The following DLGAP2 variants were observed in gnomAD, a reference collection of about 807,000 sequenced individuals.
DLGAP2 encodes DLG associated protein 2.
DLGAP2 carries 26 observed loss-of-function variants against 100.3 expected under a neutral mutation model. That is an observed-to-expected ratio of 0.26 (90% CI 0.19 to 0.36). DLGAP2 has a LOEUF of 0.36. Among genes scored for constraint, DLGAP2 ranks in the 10% least tolerant of loss-of-function variants. DLGAP2 has a pLI of 1.00. For missense variants in DLGAP2, 1,858 were observed against 1,453.2 expected, an observed-to-expected ratio of 1.28 and a Z score of -4.53; for synonymous variants, 886 against 630.1, an observed-to-expected ratio of 1.41 and a Z score of -6.08.
At chr8:1,036,937 C>G (rs1802143142) in intron 2 of DLGAP2, among the ~76,000 whole-genome samples, 1 of 152,082 alleles carries the variant, frequency 6.6e-6, no homozygotes, top group Non-Finnish European at 1.5e-5. Context: ...GGCACAGTTC[C>G]TAAAGTCCGT....
In DLGAP2 at chr8:1,007,537, G is replaced by A. The variant is rs150650456; in HGVS notation, c.73+99571G>A. On this transcript the variant is annotated intron_variant, in intron 2 of 14. Coordinates refer to ENST00000637795, the MANE Select transcript of DLGAP2 (RefSeq NM_001346810.2). ...TCCTAGGGAGGCAAGGCCAGCGGAT[G>A]TACACGAAGCCATGTGGCCATAGTC... Among the ~76,000 whole-genome samples, 5 of 152,006 alleles carry A rather than the reference G, an allele frequency of 3.3e-5. No individual in the cohort carries two copies. In the East Asian group the frequency reaches 9.7e-4, roughly 30 times the overall value.
intron 1 of DLGAP2, among the ~76,000 whole-genome samples, chr8:853,499 T>G (rs1290371193): frequency 6.6e-6 from 1 of 152,112 alleles, no homozygotes; most frequent in East Asian, 1.9e-4. Context: ...CCTCATCAGT[T>G]AGGGAATGAT....
intron 1 of DLGAP2, among the ~76,000 whole-genome samples, chr8:885,487 T>C (rs375232150): frequency 5.3e-4 from 80 of 152,364 alleles, no homozygotes; most frequent in African/African-American, 1.9e-3. Context: ...CCTGAGACTT[T>C]GCTGAAGTTG....
chr8:1,377,332 C>G (rs1171884589), intron 3 of DLGAP2, among the ~76,000 whole-genome samples: 1 of 152,210 alleles, frequency 6.6e-6, no homozygotes, highest in African/African-American at 2.4e-5. Flanking sequence ...ATCACGAAGT[C>G]AGGAGATCGA....
Position 981,125 on chromosome 8 carries a change from C to T in DLGAP2, c.73+73159C>T, listed in dbSNP as rs1004782395. Among the ~76,000 whole-genome samples the T allele has an allele frequency of 2.6e-5, 4 of 152,114 alleles. No homozygotes were observed. In the South Asian group the frequency reaches 6.2e-4, roughly 24 times the overall value. On this transcript the variant is annotated intron_variant, in intron 2 of 14. Coordinates refer to ENST00000637795, the MANE Select transcript of DLGAP2 (RefSeq NM_001346810.2). ...CACCTGTAACCTACTGTCTGTCTCTCGGAATTCCCCTATGCTAGATATTTC... is the reference window on the plus strand; with the variant it reads ...CACCTGTAACCTACTGTCTGTCTCTTGGAATTCCCCTATGCTAGATATTTC...
chr8:1,408,399 C>T (rs899519892), intron 3 of DLGAP2, among the ~76,000 whole-genome samples: 3 of 152,048 alleles, frequency 2.0e-5, no homozygotes, highest in Admixed American at 6.5e-5. Context: ...GCTCCAAGTT[C>T]GCCACAACCT....
intron 4 of DLGAP2, among the ~76,000 whole-genome samples, chr8:1,547,176 A>T (rs1048061795): frequency 1.3e-5 from 2 of 152,144 alleles, no homozygotes; most frequent in African/African-American, 4.8e-5. Flanking sequence ...CGTGGGGCAG[A>T]GGGAGGCTCG....
chr8:1,310,784 A>T (rs954610698), intron 3 of DLGAP2, among the ~76,000 whole-genome samples: 3 of 152,044 alleles, frequency 2.0e-5, no homozygotes, highest in Non-Finnish European at 2.9e-5. Context: ...CAGCCTCCTG[A>T]GTAGCTGGGA....
At chr8:870,395 C>G (rs572306441) in intron 1 of DLGAP2, among the ~76,000 whole-genome samples, 3 of 152,182 alleles carry the variant, frequency 2.0e-5, no homozygotes, top group Non-Finnish European at 4.4e-5. Flanking sequence ...TCCCAGGACC[C>G]TAAACACGCA....
At chr8:1,207,148 G>C (rs1306905170) in intron 2 of DLGAP2, among the ~76,000 whole-genome samples, 1 of 152,172 alleles carries the variant, frequency 6.6e-6, no homozygotes, top group Non-Finnish European at 1.5e-5. Context: ...ATATGGATAA[G>C]TGACTGAGTG....
chr8:1,134,383 T>A (rs1247041283), intron 2 of DLGAP2, among the ~76,000 whole-genome samples: 1 of 152,166 alleles, frequency 6.6e-6, no homozygotes, highest in Non-Finnish European at 1.5e-5. Flanking sequence ...GGTAGTTCTG[T>A]TTTTAGGTCT....
At chr8:1,532,397 G>A (rs1000806019) in intron 4 of DLGAP2, among the ~76,000 whole-genome samples, 2 of 152,152 alleles carry the variant, frequency 1.3e-5, no homozygotes, top group African/African-American at 4.8e-5. Flanking sequence ...TTTAGAATGT[G>A]TCAGGGAGTA....
chr8:935,227 C>G (rs1471939629), intron 2 of DLGAP2, among the ~76,000 whole-genome samples: 1 of 152,200 alleles, frequency 6.6e-6, no homozygotes, highest in Non-Finnish European at 1.5e-5. Flanking sequence ...CGGTGTGGGT[C>G]AAGGGCTCAG....
At chr8:1,306,303 A>G (rs1195093376) in intron 3 of DLGAP2, among the ~76,000 whole-genome samples, 1 of 152,162 alleles carries the variant, frequency 6.6e-6, no homozygotes, top group African/African-American at 2.4e-5. Context: ...ATCAGAATGA[A>G]CAATTTAAAA....
At chr8:1,473,687 A>T (rs991647784) in intron 3 of DLGAP2, among the ~76,000 whole-genome samples, 1 of 152,150 alleles carries the variant, frequency 6.6e-6, no homozygotes, top group Non-Finnish European at 1.5e-5. Context: ...GGCAGCTCCC[A>T]TAATCTCCAC....
chr8:1,169,614 A>G (rs866535104), intron 2 of DLGAP2, among the ~76,000 whole-genome samples: 22 of 152,286 alleles, frequency 1.4e-4, no homozygotes, highest in African/African-American at 4.6e-4. Flanking sequence ...TGTAAGCTGC[A>G]TTCCTAGGTA....
At chr8:1,678,192 T>C in intron 11 of DLGAP2, 22 bp from the exon 12 acceptor site, 1 of 1,585,196 alleles carries the variant, frequency 6.3e-7, no homozygotes, top group African/African-American at 1.3e-5. Context: ...CTACCATCTG[T>C]CTTCCTTCCC....
intron 1 of DLGAP2, among the ~76,000 whole-genome samples, chr8:756,334 A>G (rs1820921021): frequency 6.6e-6 from 1 of 152,102 alleles, no homozygotes; most frequent in Non-Finnish European, 1.5e-5. Context: ...GACGGCAAAG[A>G]CGATGTCGTT....
intron 10 of DLGAP2, among the ~76,000 whole-genome samples, chr8:1,673,477 A>G (rs749153022): frequency 6.6e-6 from 1 of 152,252 alleles, no homozygotes; most frequent in Non-Finnish European, 1.5e-5. Flanking sequence ...ACCATCCAGC[A>G]ATGGAGAACT....
Sources: gnomAD v4.1 joint callset for allele counts (sites outside exome capture counted in the v4.1 genomes callset) on GRCh38, gnomAD v4.1.1 for gene constraint, MANE v1.5 for transcripts, NCBI Gene and HGNC (gene_info 2026-07-23, HGNC 2026-07-21) for gene names.